CCDC88A: variants seen among roughly 807,000 people sequenced by gnomAD.
CCDC88A encodes the protein girdin.
In CCDC88A, 54 loss-of-function variants were observed where a neutral mutation model predicts 234.3. The ratio of observed to expected loss-of-function variants is 0.23; its 90% CI spans 0.19 to 0.29. CCDC88A has a LOEUF of 0.29. CCDC88A is among the 10% of genes least tolerant of loss of function. The pLI, the probability that CCDC88A is intolerant of heterozygous loss-of-function variation, is 1.00. For missense variants in CCDC88A, 1,832 were observed against 2,123.4 expected, an observed-to-expected ratio of 0.86 and a Z score of 2.70; for synonymous variants, 753 against 737.8, an observed-to-expected ratio of 1.02 and a Z score of -0.33.
At chr2:55,407,285 T>C (rs1477819877) in intron 2 of CCDC88A, among the ~76,000 whole-genome samples, 1 of 152,038 alleles carries the variant, frequency 6.6e-6, no homozygotes, top group African/African-American at 2.4e-5. Context: ...CAAAGTCTGA[T>C]TTTTAACATA....
chr2:55,392,279 A>G (rs939438271), intron 2 of CCDC88A, among the ~76,000 whole-genome samples: 1 of 152,230 alleles, frequency 6.6e-6, no homozygotes, highest in African/African-American at 2.4e-5. Context: ...CGCCCTGACT[A>G]AATTGTTTTT....
chr2:55,375,469 C>CTATATATA (rs869279076), intron 3 of CCDC88A, among the ~76,000 whole-genome samples: 45 of 26,518 alleles, frequency 1.7e-3, no homozygotes, highest in South Asian at 5.3e-3. Flanking sequence ...TGTCACTGTA[C>CTATATATA]TATATATATA....
chr2:55,338,072 T>TA (rs35086686), intron 13 of CCDC88A, among the ~76,000 whole-genome samples: 2 of 152,272 alleles, frequency 1.3e-5, no homozygotes, highest in African/African-American at 2.4e-5. Context: ...ATTCAGTTTA[T>TA]AAAAAAATCA....
In CCDC88A at chr2:55,354,495, G is replaced by A. The variant is rs999159630; in HGVS notation, c.800+1084C>T. Among the ~76,000 whole-genome samples, 19 of 151,924 alleles carry A rather than the reference G, an allele frequency of 1.3e-4. No individual in the cohort carries two copies. In the East Asian group the frequency reaches 2.3e-3, roughly 19 times the overall value. ...CTCTTTTATAATAATGTTTAGTAAC[G>A]TTTAGTTTAAAACATAAACACATTG... On this transcript the variant is annotated intron_variant, in intron 8 of 32. Coordinates refer to ENST00000436346, the MANE Select transcript of CCDC88A (RefSeq NM_001365480.1).
intron 18 of CCDC88A, chr2:55,321,158 T>C (rs1023099527): frequency 2.0e-5 from 3 of 149,852 alleles, no homozygotes; most frequent in Non-Finnish European, 4.5e-5. Context: ...TTTTAAAGAC[T>C]AGTAGAAAAA....
At chr2:55,301,811 TC>T in intron 27 of CCDC88A, 60 bp downstream of exon 27, 5 of 1,432,336 alleles carry the variant, frequency 3.5e-6, no homozygotes, top group Non-Finnish European at 4.9e-6. Context: ...CAGGGAAAAG[TC>T]AAATTAAAAT....
chr2:55,320,903 A>T, intron 18 of CCDC88A: 1 of 152,238 alleles, frequency 6.6e-6, no homozygotes, highest in East Asian at 1.9e-4. Flanking sequence ...TGCGGCCAGG[A>T]GTTCGAGACC....
chr2:55,292,092 A>G (rs143696693), intron 31 of CCDC88A: 1 of 196,126 alleles, frequency 5.1e-6, no homozygotes, highest in East Asian at 1.3e-4. Flanking sequence ...TCTTGCATGT[A>G]GTAGCAAAAC....
chr2:55,387,249 T>C (rs1428552764), intron 3 of CCDC88A, among the ~76,000 whole-genome samples: 4 of 150,698 alleles, frequency 2.7e-5, no homozygotes, highest in Non-Finnish European at 5.9e-5. Context: ...ATTTAATTTG[T>C]AGGGTAAAGA....
chr2:55,357,969 A>G (rs1670809358), intron 7 of CCDC88A, among the ~76,000 whole-genome samples: 1 of 151,808 alleles, frequency 6.6e-6, no homozygotes, highest in Non-Finnish European at 1.5e-5. Context: ...CTTTACTATC[A>G]TTTTCCTATG....
chr2:55,374,589 T>C (rs1163199728), intron 4 of CCDC88A, among the ~76,000 whole-genome samples: 13 of 152,198 alleles, frequency 8.5e-5, no homozygotes, highest in Admixed American at 2.0e-4. Context: ...CTGTTTGGTA[T>C]AGTAGAAAAA....
chr2:55,319,125 C>T, intron 18 of CCDC88A, 121 bp from the exon 19 acceptor site: 1 of 752,302 alleles, frequency 1.3e-6, no homozygotes, highest in South Asian at 3.9e-5. Flanking sequence ...ATAAAAGCCC[C>T]AACAATCTTA....
chr2:55,333,344 C>T (rs953171375), intron 15 of CCDC88A, among the ~76,000 whole-genome samples: 4 of 152,140 alleles, frequency 2.6e-5, no homozygotes, highest in Admixed American at 6.5e-5. Context: ...TTCTGACTTG[C>T]ATCAACCATG....
intron 3 of CCDC88A, 59 bp downstream of exon 3, chr2:55,388,719 A>G: frequency 1.4e-6 from 1 of 706,946 alleles, no homozygotes; most frequent in Non-Finnish European, 2.5e-6. Flanking sequence ...GACTGATACT[A>G]AATAATACAA....
chr2:55,407,499 G>C (rs1277793042), intron 2 of CCDC88A, among the ~76,000 whole-genome samples: 1 of 151,494 alleles, frequency 6.6e-6, no homozygotes, highest in Non-Finnish European at 1.5e-5. Flanking sequence ...CAGCTACTTG[G>C]GAGGCTGACA....
Position 55,332,528 on chromosome 2 carries a change from AAAT to A in CCDC88A, c.2855+35_2855+37del, listed in dbSNP as rs1413806014. On this transcript the variant is annotated intron_variant, in intron 16 of 32. Transcript: ENST00000436346. The surrounding 1 kb of genome is among the most constrained non-coding windows in gnomAD (Gnocchi z 4.5). ...TTCATGTATGAGCAAAAAAAAAAAAAAATTTTCAACTGTTTGCCAAGTAGACTT... is the reference window on the plus strand; with the variant it reads ...TTCATGTATGAGCAAAAAAAAAAAAATTTCAACTGTTTGCCAAGTAGACTT... 1.3e-6 allele frequency: 2 copies of A among 1,583,434 alleles called. No homozygotes were observed. The highest frequency in any genetic ancestry group is 1.4e-5 in the African/African-American group (1 of 73,012).
chr2:55,407,364 G>C (rs547574525), intron 2 of CCDC88A, among the ~76,000 whole-genome samples: 5 of 152,004 alleles, frequency 3.3e-5, no homozygotes, highest in Non-Finnish European at 4.4e-5. Context: ...CAGCACTTTG[G>C]GAGACTGAGG....
At chr2:55,327,372 C>T (rs1235980056) in intron 17 of CCDC88A, among the ~76,000 whole-genome samples, 2 of 152,156 alleles carry the variant, frequency 1.3e-5, no homozygotes, top group East Asian at 1.9e-4. Context: ...CTGTGGGAAT[C>T]GTAAATCCAT....
Position 55,334,942 on chromosome 2 carries a change from C to G in CCDC88A, c.1879G>C (p.Ala627Pro), listed in dbSNP as rs1685305858. The G allele has an allele frequency of 6.4e-7, 1 of 1,551,810 alleles. No individual in the cohort carries two copies. Among genetic ancestry groups the G allele is most frequent in the Non-Finnish European group, 8.8e-7 (1 of 1,141,934 alleles). The change falls in exon 15 of 33, where the codon GCT becomes CCT. Residue 627 changes from alanine to proline, a missense_variant. Ala to Pro is a conservative substitution (Grantham distance 27). This residue lies in a region of CCDC88A where 1,282 missense variants were observed against 1,543.6 expected (regional missense o/e 0.83). Coordinates refer to ENST00000436346, the MANE Select transcript of CCDC88A (RefSeq NM_001365480.1). This position sits in a 1 kb window ranked among gnomAD's most constrained non-coding sequence, Gnocchi z 6.1. ...LEHYKEKGER[A>P]EELENELHHL... ...TGCAATTCATTTTCAAGTTCTTCAG[C>G]TCGTTCTCCTTTTTCTTTATAATGT... is the stretch of plus-strand genomic sequence containing the variant.
Sources: allele counts gnomAD v4.1 joint callset (sites outside exome capture counted in the v4.1 genomes callset), GRCh38; gene constraint gnomAD v4.1.1; regional missense constraint gnomAD v4.1.1; non-coding constraint Gnocchi (gnomAD v3.1); transcripts MANE v1.5; gene names NCBI Gene and HGNC (gene_info 2026-07-23, HGNC 2026-07-21).